The following SLC2A12 variants were observed in gnomAD, a reference collection of about 807,000 sequenced individuals.
The protein encoded by SLC2A12 is solute carrier family 2, facilitated glucose transporter member 12.
In SLC2A12, 23 loss-of-function variants were observed where a neutral mutation model predicts 41.8. That is an observed-to-expected ratio of 0.55 (90% CI 0.40 to 0.78). SLC2A12 has a LOEUF of 0.78. Among genes scored for constraint, SLC2A12 ranks in the 30% least tolerant of loss-of-function variants. The pLI is 0.00. For synonymous variants in SLC2A12, 295 were observed against 285.9 expected, an observed-to-expected ratio of 1.03 and a Z score of -0.32; for missense variants, 654 against 745.6, an observed-to-expected ratio of 0.88 and a Z score of 1.43.
intron 1 of SLC2A12, among the ~76,000 whole-genome samples, chr6:134,050,351 G>A (rs1254874402): frequency 6.6e-6 from 1 of 152,146 alleles, no homozygotes; most frequent in Admixed American, 6.5e-5. Context: ...ACATTTTAAG[G>A]AAACATTCAG....
At chr6:134,001,206 A>G (rs1034420821) in intron 4 of SLC2A12, among the ~76,000 whole-genome samples, 18 of 152,230 alleles carry the variant, frequency 1.2e-4, no homozygotes, top group East Asian at 3.9e-4. Flanking sequence ...ATTGAGTTCA[A>G]TGTATACTGC....
intron 4 of SLC2A12, among the ~76,000 whole-genome samples, chr6:133,995,788 T>C (rs1337719584): frequency 6.6e-6 from 1 of 152,184 alleles, no homozygotes; most frequent in East Asian, 1.9e-4. Flanking sequence ...AACCAAACTC[T>C]TCACTCAGCC....
rs768562364 is a variant in SLC2A12 at position 134,029,035 on chromosome 6, T to G, written c.790A>C (p.Ser264Arg). 6.2e-7 allele frequency: 1 copy of G among 1,614,226 alleles called. No individual in the cohort carries two copies. The highest frequency in any genetic ancestry group is 8.5e-7 in the Non-Finnish European group (1 of 1,180,028). ...KSSLKDEYQYSFWDLFRSKDN... is the reference protein window; with the variant it reads ...KSSLKDEYQYRFWDLFRSKDN... ...TTTGAACGAAACAGATCCCAAAAAC[T>G]GTACTGATATTCATCTTTCAGGGAG... The change falls in exon 2 of 5, where the codon AGT becomes CGT. Residue 264 changes from serine (S) to arginine (R), a missense_variant. This residue lies in a region of SLC2A12 where 411 missense variants were observed against 412.1 expected (regional missense o/e 1.00). Coordinates refer to ENST00000275230, the MANE Select transcript of SLC2A12 (RefSeq NM_145176.3).
intron 4 of SLC2A12, among the ~76,000 whole-genome samples, chr6:133,996,884 G>A (rs1776694235): frequency 6.6e-6 from 1 of 151,930 alleles, no homozygotes; most frequent in South Asian, 2.1e-4. Context: ...TAGATACTTT[G>A]GTCAATTTAC....
chr6:134,037,081 C>T (rs967748176), intron 1 of SLC2A12, among the ~76,000 whole-genome samples: 2 of 151,638 alleles, frequency 1.3e-5, no homozygotes, highest in Middle Eastern at 3.2e-3. Flanking sequence ...TGCTGAGACT[C>T]AGGCTATTCC....
At position 133,987,587 on chromosome 6, in the gene SLC2A12, T is replaced by C. The variant is rs35776966; in HGVS notation, c.*3568A>G. The stretch of plus-strand genomic sequence containing the variant: ...TTAAAATCTATGCAAGCTTAAGACT[T>C]TGGCTAAAGTGTGTTGGCTTCTTTT... On this transcript the variant is annotated 3_prime_UTR_variant, in exon 5 of 5. Transcript: ENST00000275230. 57,575 of 151,016 alleles carry C rather than the reference T, an allele frequency of 0.38. 13,532 individuals are homozygous for C. Among genetic ancestry groups the C allele is most frequent in the Non-Finnish European group, 0.55 (37,075 of 67,508 alleles). 9.4% of individuals were successfully genotyped at this position (151,016 alleles called of 1,614,324 possible). A position where few individuals can be genotyped will look rare whatever the true frequency, so the allele number is the denominator to read the frequency against.
Position 134,052,455 on chromosome 6 carries a change from C to A in SLC2A12, c.26G>T (p.Gly9Val), listed in dbSNP as rs1192253301. 2.5e-6 allele frequency: 4 copies of A among 1,613,416 alleles called. No homozygotes were observed. Among genetic ancestry groups the A allele is most frequent in the Non-Finnish European group, 3.4e-6 (4 of 1,180,002 alleles). ...CCCCTTCTGGTTCAGCAGACTGGGG[C>A]CCTCGGTGTTTTCAACAGGTACCAT... MVPVENTE[G>V]PSLLNQKGTA... Residue 9 changes from glycine (G) to valine (V), a missense_variant, in exon 1 of 5, where the codon GGC becomes GTC. Coordinates refer to ENST00000275230, the MANE Select transcript of SLC2A12 (RefSeq NM_145176.3).
chr6:134,019,280 T>G (rs1777009535), intron 2 of SLC2A12, among the ~76,000 whole-genome samples: 1 of 152,246 alleles, frequency 6.6e-6, no homozygotes, highest in African/African-American at 2.4e-5. Context: ...TCTACACAAG[T>G]GTCACCTCAG....
intron 1 of SLC2A12, among the ~76,000 whole-genome samples, chr6:134,030,276 C>A (rs900123387): frequency 2.0e-5 from 3 of 152,150 alleles, no homozygotes; most frequent in Non-Finnish European, 4.4e-5. Flanking sequence ...ATGGCCTCTG[C>A]TGAACACATG....
intron 1 of SLC2A12, among the ~76,000 whole-genome samples, chr6:134,040,058 G>GTTTTTTTTT (rs11371413): frequency 2.2e-5 from 3 of 139,350 alleles, no homozygotes; most frequent in Non-Finnish European, 1.5e-5. Context: ...GTTGTTTTTT[G>GTTTTTTTTT]TTTTTTTTTT....
chr6:134,026,890 T>TTC (rs1303949005), intron 2 of SLC2A12, among the ~76,000 whole-genome samples: 3 of 152,040 alleles, frequency 2.0e-5, no homozygotes, highest in Non-Finnish European at 4.4e-5. Flanking sequence ...CACCTAACCC[T>TTC]TCTCTCTCTC....
In SLC2A12 at chr6:133,997,149, T is replaced by C. The variant is rs182515838; in HGVS notation, c.1700+4848A>G. Among the ~76,000 whole-genome samples, 352 of 146,972 alleles carry C rather than the reference T, an allele frequency of 2.4e-3. 1 individual carries two copies. Among genetic ancestry groups the C allele is most frequent in the African/African-American group, 8.4e-3 (335 of 39,780 alleles). ...GCAGGCGCCTGTAGTCCCAGCTACT[T>C]GGGAGGCTGAGGCAGGAGAATGGTG... is the stretch of plus-strand genomic sequence containing the variant. On this transcript the variant is annotated intron_variant, in intron 4 of 4. Transcript: ENST00000275230.
At chr6:134,037,283 A>C (rs1456705722) in intron 1 of SLC2A12, among the ~76,000 whole-genome samples, 1 of 137,760 alleles carries the variant, frequency 7.3e-6, no homozygotes, top group Non-Finnish European at 1.5e-5. Context: ...GCCTCCTCCT[A>C]TTCATTTTTA....
intron 1 of SLC2A12, among the ~76,000 whole-genome samples, chr6:134,046,515 A>C (rs1777455944): frequency 1.3e-5 from 2 of 152,192 alleles, no homozygotes; most frequent in Admixed American, 1.3e-4. Context: ...GTTTAGAATA[A>C]TTAGGTGGGC....
chr6:134,050,987 T>A (rs550775155), intron 1 of SLC2A12, among the ~76,000 whole-genome samples: 54 of 152,196 alleles, frequency 3.5e-4, no homozygotes, highest in African/African-American at 1.1e-3. Context: ...GAGTGCAGTG[T>A]CATGATCTCA....
At chr6:134,024,354 C>T (rs1777085810) in intron 2 of SLC2A12, among the ~76,000 whole-genome samples, 1 of 152,244 alleles carries the variant, frequency 6.6e-6, no homozygotes, top group Non-Finnish European at 1.5e-5. Context: ...CAGAAGGCCA[C>T]CACCAGATGC....
At chr6:134,022,543 GAA>G (rs1230283986) in intron 2 of SLC2A12, among the ~76,000 whole-genome samples, 2 of 24,030 alleles carry the variant, frequency 8.3e-5, no homozygotes, top group Admixed American at 4.7e-4. Context: ...AAAAAGAAAA[GAA>G]AAGAAAAGAA....
At chr6:134,019,743 T>C (rs956686628) in intron 2 of SLC2A12, among the ~76,000 whole-genome samples, 2 of 152,132 alleles carry the variant, frequency 1.3e-5, no homozygotes, top group African/African-American at 4.8e-5. Context: ...CATAAGATGT[T>C]GGGCGCAATG....
At chr6:134,007,120 A>C (rs1776825575) in intron 2 of SLC2A12, among the ~76,000 whole-genome samples, 186 bp from the exon 3 acceptor site, 1 of 152,242 alleles carries the variant, frequency 6.6e-6, no homozygotes, top group South Asian at 2.1e-4. Context: ...CCAGCCAAGG[A>C]AGAAAGGATT....
Sources: gnomAD v4.1 joint callset for allele counts (sites outside exome capture counted in the v4.1 genomes callset) on GRCh38, gnomAD v4.1.1 for gene constraint, gnomAD v4.1.1 regional missense constraint, MANE v1.5 for transcripts, NCBI Gene and HGNC (gene_info 2026-07-23, HGNC 2026-07-21) for gene names.